The following PARM1 variants were observed in gnomAD, a reference collection of about 807,000 sequenced individuals.
The protein encoded by PARM1 is prostate androgen-regulated mucin-like protein 1, also known as WSC4, cell wall integrity and stress response component 4 homolog.
PARM1 carries 14 observed loss-of-function variants against 24.6 expected under a neutral mutation model. The observed-to-expected ratio is 0.57, with a 90% CI of 0.38 to 0.89. The LOEUF (loss-of-function observed/expected upper bound fraction) is 0.89. Ranked by LOEUF, PARM1 falls within the 40% of genes least tolerant of loss-of-function variation. The probability of loss-of-function intolerance (pLI) is 0.00; values close to 1 mark genes in which losing one functional copy is unlikely to be tolerated. For missense variants in PARM1, 362 were observed against 380.4 expected, an observed-to-expected ratio of 0.95 and a Z score of 0.40; for synonymous variants, 179 against 156.6, an observed-to-expected ratio of 1.14 and a Z score of -1.07.
intron 2 of PARM1, among the ~76,000 whole-genome samples, chr4:75,033,282 A>G (rs1723304915): frequency 6.6e-6 from 1 of 152,232 alleles, no homozygotes; most frequent in Non-Finnish European, 1.5e-5. Context: ...TGAAAACTGA[A>G]CATATTTCCC....
chr4:75,033,931 T>G lies in PARM1; in HGVS notation c.818T>G (p.Val273Gly). 1 of 1,603,736 alleles carries G rather than the reference T, an allele frequency of 6.2e-7. No homozygotes were observed. The highest frequency in any genetic ancestry group is 8.5e-7 in the Non-Finnish European group (1 of 1,175,040). Residue 273 changes from valine to glycine, a missense_variant, in exon 3 of 4, where the codon GTG becomes GGG. Val to Gly is a moderately radical substitution (Grantham distance 109, BLOSUM62 -3). Transcript: ENST00000307428. ...ACAGTCATTGCCGTGGTGCTGCTGGTGTTTGGAGTTGCAGCCTACCTAAAA... is the reference window on the plus strand; with the variant it reads ...ACAGTCATTGCCGTGGTGCTGCTGGGGTTTGGAGTTGCAGCCTACCTAAAA... ...TVTVIAVVLL[V>G]FGVAAYLKIR...
At chr4:75,010,270 T>C (rs1175708035) in intron 1 of PARM1, among the ~76,000 whole-genome samples, 1 of 152,256 alleles carries the variant, frequency 6.6e-6, no homozygotes, top group African/African-American at 2.4e-5. Context: ...ACAAATATTG[T>C]ATGATTCTAC....
intron 2 of PARM1, among the ~76,000 whole-genome samples, chr4:75,021,582 G>A (rs1034847005): frequency 2.0e-5 from 3 of 149,426 alleles, no homozygotes; most frequent in Non-Finnish European, 2.9e-5. Flanking sequence ...GTGCGCTATA[G>A]TTAGTTTTTT....
intron 2 of PARM1, among the ~76,000 whole-genome samples, chr4:75,024,394 G>A (rs1299781008): frequency 2.6e-5 from 4 of 152,284 alleles, no homozygotes; most frequent in African/African-American, 4.8e-5. Context: ...ACTGCCCTTG[G>A]TCAAGGTGTC....
chr4:74,933,409 G>C, intron 1 of PARM1, 39 bp downstream of exon 1: 1 of 1,582,936 alleles, frequency 6.3e-7, no homozygotes, highest in South Asian at 1.1e-5. Flanking sequence ...AGGTCGCGGG[G>C]TGGGCCCCAG....
At chr4:74,967,150 C>T (rs572331759) in intron 1 of PARM1, 1 of 152,276 alleles carries the variant, frequency 6.6e-6, no homozygotes, top group African/African-American at 2.4e-5. Flanking sequence ...TCCTCTGGGC[C>T]AGTCCAGCAC....
chr4:75,038,971 C>G (rs1335171671), intron 3 of PARM1, among the ~76,000 whole-genome samples: 1 of 152,236 alleles, frequency 6.6e-6, no homozygotes, highest in Non-Finnish European at 1.5e-5. Flanking sequence ...ATAGACACAA[C>G]AGGACCTGTC....
At chr4:74,966,876 A>G (rs1721915475) in intron 1 of PARM1, 1 of 152,116 alleles carries the variant, frequency 6.6e-6, no homozygotes, top group Non-Finnish European at 1.5e-5. Context: ...ATTTGAGCCA[A>G]TTTCCTCCCA....
rs1723322193 is a variant in PARM1, at chr4:75,033,960, AG to A, written c.848+1del. The A allele has an allele frequency of 6.3e-7, 1 of 1,596,138 alleles. No individual in the cohort carries two copies. The highest frequency in any genetic ancestry group is 1.3e-5 in the African/African-American group (1 of 74,606). On this transcript the variant is annotated frameshift_variant and splice_region_variant, in exon 3 of 4. Coordinates refer to ENST00000307428, the MANE Select transcript of PARM1 (RefSeq NM_015393.4). LOFTEE classifies it high-confidence loss of function. Reference sequence around the variant, plus strand: ...TGGAGTTGCAGCCTACCTAAAAATCAGGTGAGACGCAGCTTACTCTTAAAAA... The same window carrying A: ...TGGAGTTGCAGCCTACCTAAAAATCAGTGAGACGCAGCTTACTCTTAAAAA... ...VFGVAAYLKI[R>X]HSSYGRLLDD...
At chr4:75,016,069 C>T (rs1288136692) in intron 2 of PARM1, among the ~76,000 whole-genome samples, 4 of 152,100 alleles carry the variant, frequency 2.6e-5, no homozygotes, top group South Asian at 2.1e-4. Context: ...AACACAGTCA[C>T]CAATGAATAA....
chr4:74,936,520 C>G (rs916765351), intron 1 of PARM1, among the ~76,000 whole-genome samples: 2 of 150,272 alleles, frequency 1.3e-5, no homozygotes, highest in Admixed American at 1.3e-4. Context: ...GTGGCGCGAT[C>G]TCAGCTCACT....
intron 2 of PARM1, among the ~76,000 whole-genome samples, chr4:75,013,546 C>G (rs895096310): frequency 2.0e-5 from 3 of 152,230 alleles, no homozygotes; most frequent in African/African-American, 7.2e-5. Context: ...AAAACAGTTG[C>G]TACTGCACAC....
chr4:74,975,475 G>A (rs1218979633), intron 1 of PARM1, among the ~76,000 whole-genome samples: 1 of 152,204 alleles, frequency 6.6e-6, no homozygotes, highest in Non-Finnish European at 1.5e-5. Flanking sequence ...TACAAGGGAA[G>A]GCATATTCTT....
intron 1 of PARM1, among the ~76,000 whole-genome samples, chr4:74,951,636 T>A (rs944541016): frequency 6.6e-5 from 10 of 152,090 alleles, no homozygotes; most frequent in African/African-American, 2.4e-4. Context: ...CCTCTCTGTG[T>A]CCATGTGTTC....
chr4:75,021,121 C>G (rs1723081572), intron 2 of PARM1, among the ~76,000 whole-genome samples: 1 of 152,070 alleles, frequency 6.6e-6, no homozygotes, highest in African/African-American at 2.4e-5. Flanking sequence ...TCCAATGAAT[C>G]AATCAATCAA....
chr4:74,933,482 G>T, intron 1 of PARM1, 112 bp downstream of exon 1: 1 of 884,328 alleles, frequency 1.1e-6, no homozygotes, highest in Non-Finnish European at 1.9e-6. Flanking sequence ...CGCGCCTCCG[G>T]GTGAGTGCGC....
intron 1 of PARM1, among the ~76,000 whole-genome samples, chr4:74,981,433 A>C (rs956875644): frequency 6.6e-6 from 1 of 152,238 alleles, no homozygotes; most frequent in Non-Finnish European, 1.5e-5. Context: ...ATGAGATACA[A>C]TCTCACGCCA....
At chr4:74,991,736 A>T (rs1722475550) in intron 1 of PARM1, among the ~76,000 whole-genome samples, 1 of 152,170 alleles carries the variant, frequency 6.6e-6, no homozygotes, top group African/African-American at 2.4e-5. Flanking sequence ...GGTATTGCAT[A>T]AGTAGAGGGG....
chr4:74,995,970 C>T (rs1008846642), intron 1 of PARM1, among the ~76,000 whole-genome samples: 1 of 152,108 alleles, frequency 6.6e-6, no homozygotes, highest in African/African-American at 2.4e-5. Flanking sequence ...CTCCATTTTG[C>T]ATCCTAAGTC....
Sources: allele counts gnomAD v4.1 joint callset (sites outside exome capture counted in the v4.1 genomes callset), GRCh38; gene constraint gnomAD v4.1.1; transcripts MANE v1.5; gene names NCBI Gene and HGNC (gene_info 2026-07-23, HGNC 2026-07-21).